Variants in PHTF2 observed in about 807,000 individuals in gnomAD.
The protein encoded by PHTF2 is protein PHTF2.
PHTF2 carries 60 observed loss-of-function variants against 101.2 expected under a neutral mutation model. The ratio of observed to expected loss-of-function variants is 0.59; its 90% CI spans 0.48 to 0.73. The LOEUF is 0.73. Among genes scored for constraint, PHTF2 ranks in the 30% least tolerant of loss-of-function variants. The pLI, the probability that PHTF2 is intolerant of heterozygous loss-of-function variation, is 0.00. For missense variants in PHTF2, 747 were observed against 908.7 expected (o/e 0.82, Z 2.29); for synonymous variants, 311 against 307.3 (o/e 1.01, Z -0.13).
intron 1 of PHTF2, among the ~76,000 whole-genome samples, chr7:77,804,481 G>A (rs1473580075): frequency 6.6e-6 from 1 of 152,012 alleles, no homozygotes; most frequent in Non-Finnish European, 1.5e-5. Flanking sequence ...GCCTGTCACC[G>A]TGCCCGGCTA....
chr7:77,946,958 C>CA (rs113457897), intron 16 of PHTF2, among the ~76,000 whole-genome samples: 828 of 66,360 alleles, frequency 0.012, 2 homozygotes, highest in African/African-American at 0.014. Context: ...CTGGTCTCTA[C>CA]AAAAAAAAAA....
intron 1 of PHTF2, among the ~76,000 whole-genome samples, chr7:77,816,222 G>A (rs879573082): frequency 3.3e-5 from 5 of 151,984 alleles, no homozygotes; most frequent in Admixed American, 6.6e-5. Flanking sequence ...TTACAGGTGC[G>A]TACCACAATG....
At chr7:77,803,973 G>GA (rs1461049560) in intron 1 of PHTF2, among the ~76,000 whole-genome samples, 4 of 152,032 alleles carry the variant, frequency 2.6e-5, no homozygotes, top group Admixed American at 2.0e-4. Flanking sequence ...AAATGACAAT[G>GA]AAAAAAATAA....
intron 19 of PHTF2, among the ~76,000 whole-genome samples, chr7:77,954,608 CTGTG>C (rs1230124124): frequency 1.0e-5 from 1 of 99,870 alleles, no homozygotes. Flanking sequence ...TAAACAAGTA[CTGTG>C]TATATATATA....
chr7:77,932,611 A>T (rs1283880864), intron 12 of PHTF2, among the ~76,000 whole-genome samples: 9 of 105,050 alleles, frequency 8.6e-5, no homozygotes, highest in East Asian at 3.2e-4. Flanking sequence ...AAAGAGAGAG[A>T]GAGAGAGAGA....
At chr7:77,868,322 ATTTTTTTTTT>A (rs761861776) in intron 3 of PHTF2, among the ~76,000 whole-genome samples, 4 of 78,528 alleles carry the variant, frequency 5.1e-5, no homozygotes, top group Admixed American at 1.6e-4. Context: ...TTAAAAAAAA[ATTTTTTTTTT>A]TTTTTTTTTT....
intron 1 of PHTF2, among the ~76,000 whole-genome samples, chr7:77,803,383 G>T (rs943500381): frequency 6.6e-5 from 10 of 152,166 alleles, no homozygotes; most frequent in Admixed American, 3.3e-4. Flanking sequence ...AAGTACTTTT[G>T]TAAGACCTTT....
intron 14 of PHTF2, 25 bp downstream of exon 13, chr7:77,940,327 T>C: frequency 6.5e-7 from 1 of 1,543,630 alleles, no homozygotes; most frequent in Non-Finnish European, 8.7e-7. Context: ...GACTTCCGAA[T>C]AAGAATATTT....
chr7:77,896,736 C>T (rs536068642), intron 5 of PHTF2, among the ~76,000 whole-genome samples: 2 of 152,112 alleles, frequency 1.3e-5, no homozygotes, highest in East Asian at 1.9e-4. Flanking sequence ...TAGAGAGGTA[C>T]GTAACTGTGG....
chr7:77,910,289 A>G (rs766170804), exon 9 of PHTF2: 1 of 1,613,396 alleles, frequency 6.2e-7, no homozygotes, highest in African/African-American at 1.3e-5. Context: ...AGGGAAGGAG[A>G]TGGTTCTAGT....
chr7:77,933,796 CAA>C (rs1804836242), intron 12 of PHTF2, among the ~76,000 whole-genome samples: 1 of 136,714 alleles, frequency 7.3e-6, no homozygotes, highest in Non-Finnish European at 1.5e-5. Context: ...ATGCCTGAAA[CAA>C]AATTAAATTT....
intron 7 of PHTF2, among the ~76,000 whole-genome samples, chr7:77,902,308 T>C (rs1360234404): frequency 2.6e-5 from 4 of 152,222 alleles, no homozygotes. Flanking sequence ...TGATGTGAGC[T>C]GTCCTTATAC....
At chr7:77,862,118 C>G (rs1447305024) in intron 3 of PHTF2, among the ~76,000 whole-genome samples, 1 of 151,570 alleles carries the variant, frequency 6.6e-6, no homozygotes, top group Non-Finnish European at 1.5e-5. Flanking sequence ...CTAGCAGTAC[C>G]TTTTTAGGCT....
chr7:77,952,925 G>A (rs901552099), intron 18 of PHTF2, among the ~76,000 whole-genome samples: 12 of 152,030 alleles, frequency 7.9e-5, no homozygotes, highest in African/African-American at 2.2e-4. Flanking sequence ...ACGGCCCTAT[G>A]TGAGATCCTT....
rs1198346987 is a variant in PHTF2, at chr7:77,953,903, T to C, written c.2337+9T>C. On this transcript the variant is annotated intron_variant, in intron 19 of 19. Coordinates refer to ENST00000416283, the Ensembl canonical transcript of PHTF2. ...TTGGATTTAATTTAAAGGTAAGAGGTTGCAAGTACTTTTTATTTCTTAGTT... is the reference window on the plus strand; with the variant it reads ...TTGGATTTAATTTAAAGGTAAGAGGCTGCAAGTACTTTTTATTTCTTAGTT... 3 of 1,611,430 alleles carry C rather than the reference T, an allele frequency of 1.9e-6. No individual in the cohort carries two copies. The African/African-American group carries it at 4.0e-5, about 22-fold the overall frequency.
chr7:77,853,896 G>C (rs1013989743), intron 2 of PHTF2, among the ~76,000 whole-genome samples: 2 of 151,998 alleles, frequency 1.3e-5, no homozygotes, highest in Non-Finnish European at 2.9e-5. Context: ...TGAATTATCT[G>C]TCTTCATGGT....
At chr7:77,943,785 A>G (rs2150981427) in intron 16 of PHTF2, among the ~76,000 whole-genome samples, 1 of 152,246 alleles carries the variant, frequency 6.6e-6, no homozygotes, top group Non-Finnish European at 1.5e-5. Flanking sequence ...TGGGAGGCCA[A>G]GGAGTGCGGA....
chr7:77,944,632 G>A (rs1390527562), intron 16 of PHTF2, among the ~76,000 whole-genome samples: 3 of 152,118 alleles, frequency 2.0e-5, no homozygotes, highest in East Asian at 3.9e-4. Flanking sequence ...AGCTCCTTCC[G>A]GTATCAAAAC....
chr7:77,930,967 A>T lies in PHTF2; in HGVS notation c.1338+1640A>T, dbSNP rs1804511745. 1.3e-5 allele frequency among the ~76,000 whole-genome samples: 2 copies of T among 152,362 alleles called. 1 individual carries two copies. Among genetic ancestry groups the T allele is most frequent in the Middle Eastern group, 6.8e-3 (2 of 294 alleles). On this transcript the variant is annotated intron_variant, in intron 12 of 19. Coordinates refer to ENST00000416283, the Ensembl canonical transcript of PHTF2. ...ACTCAAGATAGTATAGTATAGACAT[A>T]TAAACATATATACCGATGGAACAGA... is the stretch of plus-strand genomic sequence containing the variant.
Sources: allele counts gnomAD v4.1 joint callset (sites outside exome capture counted in the v4.1 genomes callset), GRCh38; gene constraint gnomAD v4.1.1; transcripts MANE v1.5; gene names NCBI Gene and HGNC (gene_info 2026-07-23, HGNC 2026-07-21).